The following ACER3 variants were observed in gnomAD, a reference collection of about 807,000 sequenced individuals.
The protein encoded by ACER3 is alkCDase 3.
ACER3 carries 16 observed loss-of-function variants against 48.9 expected under a neutral mutation model. The observed-to-expected ratio is 0.33, with a 90% CI of 0.22 to 0.50. ACER3 has a LOEUF of 0.50. Among genes scored for constraint, ACER3 ranks in the 20% least tolerant of loss-of-function variants. ACER3 has a pLI of 0.98. For missense variants in ACER3, 227 were observed against 326.0 expected, an observed-to-expected ratio of 0.70 and a Z score of 2.34; for synonymous variants, 109 against 107.8, an observed-to-expected ratio of 1.01 and a Z score of -0.07.
chr11:76,929,873 G>A (rs1424944438), intron 2 of ACER3, among the ~76,000 whole-genome samples: 1 of 152,218 alleles, frequency 6.6e-6, no homozygotes. Flanking sequence ...TGGTTTGCCA[G>A]TATTTTATTG....
chr11:76,955,137 A>G (rs12797610), intron 2 of ACER3, among the ~76,000 whole-genome samples: 7,708 of 152,298 alleles, frequency 0.051, 237 homozygotes, highest in Middle Eastern at 0.12. Context: ...TATTGGCAAG[A>G]TGTGGAGAAA....
intron 3 of ACER3, among the ~76,000 whole-genome samples, chr11:76,960,497 T>G (rs1947960625): frequency 1.3e-5 from 2 of 152,146 alleles, no homozygotes; most frequent in Admixed American, 1.3e-4. Flanking sequence ...TATAAAAAAT[T>G]ATGAATAAAG....
intron 1 of ACER3, among the ~76,000 whole-genome samples, chr11:76,916,385 T>C (rs1387707415): frequency 6.6e-6 from 1 of 152,198 alleles, no homozygotes; most frequent in East Asian, 1.9e-4. Context: ...GATCAGTGGG[T>C]ATTTGCTATT....
intron 1 of ACER3, among the ~76,000 whole-genome samples, chr11:76,924,111 G>T (rs1026869143): frequency 1.3e-5 from 2 of 151,980 alleles, no homozygotes; most frequent in African/African-American, 2.4e-5. Flanking sequence ...TTATGCTGTG[G>T]CTTGAGTACT....
In ACER3 at chr11:76,910,217, A is replaced by C. The variant is rs1451580304; in HGVS notation, c.104-16340A>C. On this transcript the variant is annotated intron_variant, in intron 1 of 10. Transcript: ENST00000532485. ...CAGCAAACCACCATGGCACATGTAT[A>C]ACTATGTAACAAACCTGCACGTTCT... is the stretch of plus-strand genomic sequence containing the variant. 2.0e-5 allele frequency among the ~76,000 whole-genome samples: 3 copies of C among 152,266 alleles called. No individual in the cohort carries two copies. The East Asian group carries it at 5.8e-4, about 29-fold the overall frequency.
At chr11:76,933,654 C>T (rs973694553) in intron 2 of ACER3, among the ~76,000 whole-genome samples, 16 of 152,158 alleles carry the variant, frequency 1.1e-4, no homozygotes, top group African/African-American at 3.9e-4. Flanking sequence ...TAGTACAGAG[C>T]AAAATGAAAA....
At chr11:76,960,300 C>T (rs1947953915) in intron 3 of ACER3, among the ~76,000 whole-genome samples, 1 of 151,608 alleles carries the variant, frequency 6.6e-6, no homozygotes, top group East Asian at 1.9e-4. Context: ...TCCCAGCTAC[C>T]CGGGAAGCTG....
chr11:76,962,216 A>ATG (rs377657314), intron 3 of ACER3, among the ~76,000 whole-genome samples: 2 of 105,112 alleles, frequency 1.9e-5, no homozygotes, highest in East Asian at 2.6e-4. Flanking sequence ...TGCCCAGCTA[A>ATG]TTTTTTTTTT....
At chr11:76,907,585 A>G (rs1366760624) in intron 1 of ACER3, among the ~76,000 whole-genome samples, 4 of 152,356 alleles carry the variant, frequency 2.6e-5, no homozygotes, top group African/African-American at 9.6e-5. Flanking sequence ...AAATAAGCCA[A>G]TAAAGCCGGG....
At chr11:76,945,053 AAT>A (rs1947439024) in intron 2 of ACER3, among the ~76,000 whole-genome samples, 1 of 150,134 alleles carries the variant, frequency 6.7e-6, no homozygotes, top group South Asian at 2.1e-4. Context: ...TCATTTCCAG[AAT>A]TTCTCTTTGG....
At chr11:77,004,466 TG>T (rs1949093754) in intron 7 of ACER3, among the ~76,000 whole-genome samples, 1 of 152,246 alleles carries the variant, frequency 6.6e-6, no homozygotes. Flanking sequence ...TCTGTATCAT[TG>T]TTGATTCTCT....
chr11:76,876,776 CTCTTG>C (rs1403108721), intron 1 of ACER3, among the ~76,000 whole-genome samples: 2 of 152,162 alleles, frequency 1.3e-5, no homozygotes, highest in African/African-American at 4.8e-5. Context: ...TTATTTTTAA[CTCTTG>C]TCTTCTTTCG....
intron 4 of ACER3, among the ~76,000 whole-genome samples, chr11:76,979,149 C>G (rs2135166315): frequency 6.6e-6 from 1 of 152,342 alleles, no homozygotes; most frequent in Non-Finnish European, 1.5e-5. Flanking sequence ...AGGTTTCTGG[C>G]TAGAAAAGCA....
At chr11:76,938,364 G>A (rs1293001497) in intron 2 of ACER3, among the ~76,000 whole-genome samples, 1 of 152,116 alleles carries the variant, frequency 6.6e-6, no homozygotes, top group Non-Finnish European at 1.5e-5. Context: ...TGTCACCTAG[G>A]CTGGAATGCA....
intron 1 of ACER3, among the ~76,000 whole-genome samples, chr11:76,894,402 A>G (rs1945880734): frequency 2.0e-5 from 3 of 152,230 alleles, no homozygotes; most frequent in African/African-American, 7.2e-5. Flanking sequence ...TCTCAAATTT[A>G]CTGTAGGTAT....
At chr11:76,964,029 G>C (rs1304241187) in intron 3 of ACER3, among the ~76,000 whole-genome samples, 1 of 151,500 alleles carries the variant, frequency 6.6e-6, no homozygotes, top group Admixed American at 6.5e-5. Context: ...GCCTCACCCA[G>C]GAAGTGCAAG....
At chr11:76,951,102 T>A (rs1355127580) in intron 2 of ACER3, among the ~76,000 whole-genome samples, 1 of 152,220 alleles carries the variant, frequency 6.6e-6, no homozygotes, top group Non-Finnish European at 1.5e-5. Context: ...TTTTTAAAAT[T>A]TATATACTAA....
chr11:77,001,413 G>T (rs782121275), intron 7 of ACER3, among the ~76,000 whole-genome samples: 1 of 152,020 alleles, frequency 6.6e-6, no homozygotes, highest in Non-Finnish European at 1.5e-5. Flanking sequence ...CCACCACCAT[G>T]CCCAGCTAAT....
At chr11:76,862,020 T>C (rs937698899) in intron 1 of ACER3, among the ~76,000 whole-genome samples, 20 of 152,256 alleles carry the variant, frequency 1.3e-4, no homozygotes, top group African/African-American at 4.8e-4. Context: ...TTTTCTATCA[T>C]TTAATCAGGT....
Sources: gnomAD v4.1 joint callset for allele counts (sites outside exome capture counted in the v4.1 genomes callset) on GRCh38, gnomAD v4.1.1 for gene constraint, MANE v1.5 for transcripts, NCBI Gene and HGNC (gene_info 2026-07-23, HGNC 2026-07-21) for gene names.